The following MACROD2 variants were observed in gnomAD, a reference collection of about 807,000 sequenced individuals.
MACROD2 encodes the protein ADP-ribose glycohydrolase MACROD2.
Under a neutral mutation model 70.4 loss-of-function variants are expected in MACROD2, and 36 were observed. The observed-to-expected ratio is 0.51, with a 90% CI of 0.39 to 0.68. The LOEUF is 0.68. Among genes scored for constraint, MACROD2 ranks in the 30% least tolerant of loss-of-function variants. The pLI is 0.00. For missense variants in MACROD2, 496 were observed against 538.4 expected (o/e 0.92, Z 0.78); for synonymous variants, 172 against 178.8 (o/e 0.96, Z 0.30).
intron 3 of MACROD2, among the ~76,000 whole-genome samples, chr20:14,471,495 G>A (rs2084530404): frequency 6.6e-6 from 1 of 152,124 alleles, no homozygotes; most frequent in African/African-American, 2.4e-5. Flanking sequence ...AGTTACAATA[G>A]AGGGTTCCTA....
Position 14,327,637 on chromosome 20 carries a change from A to C in MACROD2, c.272-165842A>C, listed in dbSNP as rs2082759201. Reference sequence around the variant, plus strand: ...TATAATGTTTAAAAACAAATGTGGAAACTAAAATATCCATAATCACTTTTA... The same window carrying C: ...TATAATGTTTAAAAACAAATGTGGACACTAAAATATCCATAATCACTTTTA... On this transcript the variant is annotated intron_variant, in intron 3 of 17. Coordinates refer to ENST00000684519, the MANE Select transcript of MACROD2 (RefSeq NM_001351661.2). The C allele has an allele frequency of 8.8e-6, 9 of 1,023,914 alleles. No individual in the cohort carries two copies. The East Asian group carries it at 2.4e-4, about 27-fold the overall frequency. 63.4% of individuals were successfully genotyped at this position (1,023,914 alleles called of 1,614,324 possible).
chr20:15,237,985 T>C (rs1438210934), intron 6 of MACROD2, among the ~76,000 whole-genome samples: 3 of 152,156 alleles, frequency 2.0e-5, no homozygotes, highest in Non-Finnish European at 2.9e-5. Context: ...TGGGCAGATA[T>C]GGGTGGGGCA....
At chr20:16,014,889 A>C (rs940780002) in intron 15 of MACROD2, among the ~76,000 whole-genome samples, 31 of 152,190 alleles carry the variant, frequency 2.0e-4, no homozygotes, top group Non-Finnish European at 1.0e-4. Flanking sequence ...CCATTAAATC[A>C]AGTCCTATAT....
intron 3 of MACROD2, among the ~76,000 whole-genome samples, chr20:14,105,509 A>G (rs1477035394): frequency 2.0e-5 from 3 of 152,182 alleles, no homozygotes; most frequent in African/African-American, 7.2e-5. Flanking sequence ...TGAGCTTCTT[A>G]GTAGACCTCC....
chr20:14,521,185 T>C (rs867013661), intron 4 of MACROD2, among the ~76,000 whole-genome samples: 2 of 152,216 alleles, frequency 1.3e-5, no homozygotes, highest in Admixed American at 6.5e-5. Context: ...CCCTTCCTCA[T>C]TCTAAGCAGG....
In MACROD2 at chr20:15,524,395, G is replaced by T. The variant is rs199873473; in HGVS notation, c.645+24548G>T. ...TTGTTGCCAGGAAGGATTAGCCAGG[G>T]TTGCCTCATAGTTTAATTTTTCTGG... On this transcript the variant is annotated intron_variant, in intron 8 of 17. Coordinates refer to ENST00000684519, the MANE Select transcript of MACROD2 (RefSeq NM_001351661.2). Among the ~76,000 whole-genome samples, 327 of 152,198 alleles carry T rather than the reference G, an allele frequency of 2.1e-3. 2 individuals are homozygous for T. The highest frequency in any genetic ancestry group is 7.3e-3 in the African/African-American group (302 of 41,532).
intron 4 of MACROD2, among the ~76,000 whole-genome samples, chr20:14,552,111 A>G (rs1978691629): frequency 6.6e-6 from 1 of 151,856 alleles, no homozygotes; most frequent in Admixed American, 6.6e-5. Flanking sequence ...AGAAAGCATA[A>G]TGACTGGCAT....
At chr20:14,460,958 C>T (rs768861180) in intron 3 of MACROD2, among the ~76,000 whole-genome samples, 2 of 151,414 alleles carry the variant, frequency 1.3e-5, no homozygotes, top group Non-Finnish European at 2.9e-5. Flanking sequence ...GGAGGATTCC[C>T]CCCTTTTTTT....
chr20:15,049,381 A>C (rs893949681), intron 5 of MACROD2, among the ~76,000 whole-genome samples: 2 of 152,126 alleles, frequency 1.3e-5, no homozygotes, highest in Non-Finnish European at 2.9e-5. Flanking sequence ...TGTCTTTCTA[A>C]AGGCAGCTGC....
intron 4 of MACROD2, among the ~76,000 whole-genome samples, chr20:14,500,574 G>A (rs1437200483): frequency 1.3e-5 from 2 of 152,184 alleles, no homozygotes; most frequent in African/African-American, 4.8e-5. Context: ...AGGAAGGTGA[G>A]GTGGGGAGGG....
At chr20:15,456,488 C>T (rs546821131) in intron 7 of MACROD2, among the ~76,000 whole-genome samples, 14 of 152,254 alleles carry the variant, frequency 9.2e-5, no homozygotes, top group African/African-American at 2.9e-4. Context: ...GGAATCAAAC[C>T]GTGCACCTGC....
At chr20:15,904,262 T>C (rs926557633) in intron 10 of MACROD2, among the ~76,000 whole-genome samples, 1 of 151,968 alleles carries the variant, frequency 6.6e-6, no homozygotes, top group Non-Finnish European at 1.5e-5. Context: ...CAAGCGACCC[T>C]CCAGCCTCGG....
At chr20:14,210,504 T>G (rs985258268) in intron 3 of MACROD2, among the ~76,000 whole-genome samples, 3 of 152,158 alleles carry the variant, frequency 2.0e-5, no homozygotes, top group African/African-American at 7.2e-5. Flanking sequence ...CTCACCTAGA[T>G]GAAGGCAGGT....
chr20:14,841,102 C>T (rs760585908), intron 5 of MACROD2, among the ~76,000 whole-genome samples: 1 of 151,932 alleles, frequency 6.6e-6, no homozygotes, highest in Non-Finnish European at 1.5e-5. Context: ...AAATATTTTC[C>T]TTTGACCAAT....
chr20:15,914,452 A>G lies in MACROD2; in HGVS notation c.776-18824A>G, dbSNP rs193128515. On this transcript the variant is annotated intron_variant, in intron 10 of 17. Coordinates refer to ENST00000684519, the MANE Select transcript of MACROD2 (RefSeq NM_001351661.2). ...TCGCATGATCAGTGGGAATTTGTGT[A>G]CTTTATTTAATGGGAAGCCTCAATT... Among the ~76,000 whole-genome samples the G allele has an allele frequency of 3.6e-4, 55 of 152,302 alleles. 1 individual carries two copies. The East Asian group carries it at 8.1e-3, about 22-fold the overall frequency.
At chr20:15,401,634 G>A (rs2045931848) in intron 6 of MACROD2, among the ~76,000 whole-genome samples, 2 of 152,194 alleles carry the variant, frequency 1.3e-5, no homozygotes, top group Admixed American at 6.5e-5. Flanking sequence ...TCATAGGGCT[G>A]TTAAGAGGAT....
chr20:15,521,347 A>G (rs780463039), intron 8 of MACROD2, among the ~76,000 whole-genome samples: 1 of 152,228 alleles, frequency 6.6e-6, no homozygotes, highest in African/African-American at 2.4e-5. Context: ...GTTAATTGGC[A>G]TACTATTGTA....
intron 9 of MACROD2, among the ~76,000 whole-genome samples, chr20:15,870,235 ATATTATTATTAT>A (rs74175654): frequency 1.4e-4 from 21 of 148,946 alleles, no homozygotes; most frequent in South Asian, 6.4e-4. Context: ...GTTGGGTTTT[ATATTATTATTAT>A]TATTATTATT....
intron 5 of MACROD2, among the ~76,000 whole-genome samples, chr20:14,753,554 T>A: frequency 6.6e-6 from 1 of 152,120 alleles, no homozygotes; most frequent in East Asian, 1.9e-4. Context: ...ATTCTATTTT[T>A]ACTTATTGCT....
Sources: gnomAD v4.1 joint callset for allele counts (sites outside exome capture counted in the v4.1 genomes callset) on GRCh38, gnomAD v4.1.1 for gene constraint, MANE v1.5 for transcripts, NCBI Gene and HGNC (gene_info 2026-07-23, HGNC 2026-07-21) for gene names.